Variants in OXR1 observed in about 807,000 individuals in gnomAD.
The protein encoded by OXR1 is oxidation resistance protein 1.
In OXR1, 41 loss-of-function variants were observed where a neutral mutation model predicts 104.6. That is an observed-to-expected ratio of 0.39 (90% confidence interval 0.31 to 0.51). The LOEUF (loss-of-function observed/expected upper bound fraction) is 0.51, where lower values mean the gene tolerates loss of function less well. Ranked by LOEUF, OXR1 falls within the 20% of genes least tolerant of loss-of-function variation. OXR1 has a pLI of 0.77. For synonymous variants in OXR1, 348 were observed against 348.4 expected (o/e 1.00, Z 0.01); for missense variants, 955 against 1,031.9 (o/e 0.93, Z 1.02).
Position 106,403,821 on chromosome 8 carries a change from GA to G in OXR1, c.23+44186del, listed in dbSNP as rs560002211. On this transcript the variant is annotated intron_variant, in intron 2 of 16. Transcript: ENST00000517566. ...TATCCATTCCCACACATGTTCCCTG[GA>G]TTTTTGTCTGTGTACATTAGAAAAC... 4.4e-3 allele frequency among the ~76,000 whole-genome samples: 672 copies of G among 152,204 alleles called. 2 individuals carry two copies. Among genetic ancestry groups the G allele is most frequent in the Non-Finnish European group, 8.2e-3 (556 of 68,008 alleles).
At chr8:106,272,306 C>G (rs902316481) in intron 1 of OXR1, 1 of 152,302 alleles carries the variant, frequency 6.6e-6, no homozygotes, top group South Asian at 2.1e-4. Context: ...CATGTTCTGT[C>G]GTCGGTTTCA....
intron 3 of OXR1, among the ~76,000 whole-genome samples, chr8:106,632,298 T>A (rs1373516381): frequency 1.3e-5 from 2 of 152,188 alleles, no homozygotes; most frequent in African/African-American, 4.8e-5. Flanking sequence ...ACATAAAACA[T>A]GTTCTGTGTC....
chr8:106,634,579 A>C (rs567588285), intron 3 of OXR1, among the ~76,000 whole-genome samples: 29 of 152,166 alleles, frequency 1.9e-4, no homozygotes, highest in South Asian at 4.1e-4. Flanking sequence ...CCCTCTTTTT[A>C]ATGCTACAGT....
intron 2 of OXR1, among the ~76,000 whole-genome samples, chr8:106,478,736 G>C (rs1821938927): frequency 6.6e-6 from 1 of 151,624 alleles, no homozygotes; most frequent in Non-Finnish European, 1.5e-5. Flanking sequence ...AAAATAATTT[G>C]TACTATTATT....
chr8:106,643,530 T>C (rs1395243811), intron 3 of OXR1, among the ~76,000 whole-genome samples: 1 of 152,160 alleles, frequency 6.6e-6, no homozygotes, highest in Non-Finnish European at 1.5e-5. Context: ...TAGGCACTAT[T>C]TGCTCTTATT....
At chr8:106,663,065 G>A (rs1344449733) in intron 3 of OXR1, among the ~76,000 whole-genome samples, 1 of 152,124 alleles carries the variant, frequency 6.6e-6, no homozygotes, top group Non-Finnish European at 1.5e-5. Flanking sequence ...CCTTTAGGAA[G>A]ATTCAAAAAA....
At chr8:106,453,791 C>A (rs1211411952) in intron 2 of OXR1, among the ~76,000 whole-genome samples, 1 of 152,172 alleles carries the variant, frequency 6.6e-6, no homozygotes, top group East Asian at 1.9e-4. Flanking sequence ...TCACTGTTAT[C>A]CCCCCAGCAT....
chr8:106,400,771 G>A (rs1046486750), intron 2 of OXR1, among the ~76,000 whole-genome samples: 3 of 152,276 alleles, frequency 2.0e-5, no homozygotes, highest in South Asian at 4.1e-4. Flanking sequence ...TAGAGACAGA[G>A]TATCTAATTG....
intron 1 of OXR1, among the ~76,000 whole-genome samples, chr8:106,302,876 C>T (rs1813304166): frequency 6.6e-6 from 1 of 151,612 alleles, no homozygotes; most frequent in Admixed American, 6.6e-5. Context: ...CTCGGCCTCC[C>T]GAGTAGCTGG....
intron 3 of OXR1, among the ~76,000 whole-genome samples, chr8:106,595,317 C>A (rs1819432704): frequency 6.6e-6 from 1 of 151,846 alleles, no homozygotes; most frequent in African/African-American, 2.4e-5. Context: ...TTTGGGAGGC[C>A]AAGGAGGGAG....
At chr8:106,303,689 T>A (rs961867614) in intron 1 of OXR1, among the ~76,000 whole-genome samples, 1 of 152,220 alleles carries the variant, frequency 6.6e-6, no homozygotes, top group African/African-American at 2.4e-5. Context: ...ATAGTTTATA[T>A]ATTGGAATAA....
At chr8:106,619,187 A>G (rs1821488995) in intron 3 of OXR1, among the ~76,000 whole-genome samples, 1 of 152,210 alleles carries the variant, frequency 6.6e-6, no homozygotes. Context: ...AATATACTTT[A>G]CCACTTATTT....
Position 106,744,481 on chromosome 8 carries a change from A to G in OXR1, c.2413-1308A>G, listed in dbSNP as rs559530585. Among the ~76,000 whole-genome samples, 4 of 152,352 alleles carry G rather than the reference A, an allele frequency of 2.6e-5. No homozygotes were observed. The East Asian group carries it at 5.8e-4, about 22-fold the overall frequency. On this transcript the variant is annotated intron_variant, in intron 15 of 16. Coordinates refer to ENST00000517566, the MANE Select transcript of OXR1 (RefSeq NM_001198533.2). ...GTAAAGAATATACATTATCATTACT[A>G]TTCTGTTTACAAATTGTCATTGTGA... is the stretch of plus-strand genomic sequence containing the variant.
intron 2 of OXR1, among the ~76,000 whole-genome samples, chr8:106,409,866 A>C (rs971672805): frequency 6.6e-6 from 1 of 152,132 alleles, no homozygotes; most frequent in African/African-American, 2.4e-5. Context: ...CTCCTTAGAG[A>C]ATCATTTTGC....
intron 3 of OXR1, among the ~76,000 whole-genome samples, chr8:106,591,287 T>G: frequency 3.9e-5 from 2 of 51,884 alleles, no homozygotes; most frequent in Admixed American, 3.2e-4. Flanking sequence ...GGGACTGTTG[T>G]GGGGTGGGGG....
At chr8:106,348,178 A>C (rs1563730530) in intron 1 of OXR1, among the ~76,000 whole-genome samples, 1 of 152,182 alleles carries the variant, frequency 6.6e-6, no homozygotes, top group Non-Finnish European at 1.5e-5. Context: ...AACCAGGTAC[A>C]TGTTGCCAGG....
At chr8:106,563,296 CAAAAAAAAAA>C (rs145929849) in intron 3 of OXR1, among the ~76,000 whole-genome samples, 1 of 125,772 alleles carries the variant, frequency 8.0e-6, no homozygotes, top group South Asian at 2.5e-4. Context: ...AAATGGAAAG[CAAAAAAAAAA>C]AAAAAAAAGA....
chr8:106,494,156 A>G (rs921341558), intron 2 of OXR1, among the ~76,000 whole-genome samples: 5 of 152,182 alleles, frequency 3.3e-5, no homozygotes, highest in Non-Finnish European at 7.3e-5. Flanking sequence ...TTCATAGCTC[A>G]TAAACCACAG....
chr8:106,748,094 GTAGAGT>G (rs1221660629), intron 16 of OXR1, among the ~76,000 whole-genome samples: 1 of 152,222 alleles, frequency 6.6e-6, no homozygotes, highest in Non-Finnish European at 1.5e-5. Flanking sequence ...GTTGTTGCCA[GTAGAGT>G]TAGAGTCTCT....
Sources: gnomAD v4.1 joint callset for allele counts (sites outside exome capture counted in the v4.1 genomes callset) on GRCh38, gnomAD v4.1.1 for gene constraint, MANE v1.5 for transcripts, NCBI Gene and HGNC (gene_info 2026-07-23, HGNC 2026-07-21) for gene names.